The following TENM4 variants were observed in gnomAD, a reference collection of about 807,000 sequenced individuals.
The protein encoded by TENM4 is teneurin transmembrane protein 4, also known as teneurin-4.
A neutral mutation model predicts 243.3 loss-of-function variants in TENM4; 82 were observed. The ratio of observed to expected loss-of-function variants is 0.34; its 90% CI spans 0.28 to 0.40. The LOEUF (loss-of-function observed/expected upper bound fraction) is 0.40. TENM4 is among the 10% of genes least tolerant of loss of function. The pLI, the probability that TENM4 is intolerant of heterozygous loss-of-function variation, is 1.00. For missense variants in TENM4, 3,138 were observed against 3,673.3 expected (o/e 0.85, Z 3.77); for synonymous variants, 1,412 against 1,456.3 (o/e 0.97, Z 0.69).
intron 9 of TENM4, among the ~76,000 whole-genome samples, chr11:78,871,653 G>A (rs1268004718): frequency 6.6e-6 from 1 of 152,192 alleles, no homozygotes; most frequent in Non-Finnish European, 1.5e-5. Context: ...CATGTCCAGA[G>A]CAGGACAGCC....
intron 1 of TENM4, among the ~76,000 whole-genome samples, chr11:79,349,083 G>T (rs1050345700): frequency 6.6e-6 from 1 of 152,074 alleles, no homozygotes; most frequent in Non-Finnish European, 1.5e-5. Context: ...CCAGGGTCCC[G>T]ACTCCTGCTT....
rs756638304 is a variant in TENM4, at chr11:78,670,074, C to G, written c.6271G>C (p.Val2091Leu). 1 of 1,613,922 alleles carries G rather than the reference C, an allele frequency of 6.2e-7. No homozygotes were observed. The highest frequency in any genetic ancestry group is 1.7e-5 in the Admixed American group (1 of 60,006). Residue 2091 changes from valine to leucine, a missense_variant, in exon 32 of 34, where the codon GTG becomes CTG. Around this residue, in one of 2 missense-constraint regions of TENM4, gnomAD observed 2,467 missense variants for 3,059.1 expected, o/e 0.81. Transcript: ENST00000278550. ...TTGATCACAGCCTGCATGCTGGTCA[C>G]CCGGAAGCTGTTGTCATAGTTGTAG... ...FDYNYDNSFR[V>L]TSMQAVINET... is the part of the protein sequence containing the mutation.
chr11:79,084,038 A>G (rs1222171427), intron 4 of TENM4, among the ~76,000 whole-genome samples: 1 of 152,212 alleles, frequency 6.6e-6, no homozygotes, highest in African/African-American at 2.4e-5. Flanking sequence ...AAACAATCCA[A>G]TTAGAAAATG....
rs79610502 is a variant in TENM4 at position 79,401,454 on chromosome 11, A to C, written c.-321+39055T>G. Among the ~76,000 whole-genome samples the C allele has an allele frequency of 6.4e-3, 971 of 152,318 alleles. 8 individuals are homozygous for C. Among genetic ancestry groups the C allele is most frequent in the South Asian group, 0.019 (92 of 4,820 alleles). Reference sequence around the variant, plus strand: ...AACAATAATTCCCAGAAAAGGTGACACTCAAATGGAGACCTGTCAATCATT... The same window carrying C: ...AACAATAATTCCCAGAAAAGGTGACCCTCAAATGGAGACCTGTCAATCATT... On this transcript the variant is annotated intron_variant, in intron 1 of 33. Transcript: ENST00000278550.
chr11:79,287,357 A>G (rs939963105), intron 2 of TENM4, among the ~76,000 whole-genome samples: 1 of 152,176 alleles, frequency 6.6e-6, no homozygotes, highest in Admixed American at 6.5e-5. Context: ...GGTAGAAAGT[A>G]TTGGGTACGG....
intron 28 of TENM4, among the ~76,000 whole-genome samples, chr11:78,692,931 C>T (rs1272903115): frequency 6.6e-6 from 1 of 152,172 alleles, no homozygotes; most frequent in African/African-American, 2.4e-5. Context: ...TAAGTCCCCC[C>T]AACCTTTGTA....
intron 2 of TENM4, among the ~76,000 whole-genome samples, chr11:79,229,238 G>A (rs1031179552): frequency 6.6e-5 from 10 of 152,128 alleles, no homozygotes; most frequent in African/African-American, 2.2e-4. Context: ...GAGCAGCCTT[G>A]GTAGACAGGT....
intron 6 of TENM4, among the ~76,000 whole-genome samples, chr11:79,032,261 C>G (rs887326079): frequency 6.6e-6 from 1 of 152,142 alleles, no homozygotes; most frequent in Non-Finnish European, 1.5e-5. Flanking sequence ...CAGTAATCAC[C>G]CTGAGGCGGG....
chr11:78,954,436 T>C (rs1857167722), intron 6 of TENM4, among the ~76,000 whole-genome samples: 1 of 152,184 alleles, frequency 6.6e-6, no homozygotes, highest in South Asian at 2.1e-4. Flanking sequence ...TAACACCGAG[T>C]CACATGCAGA....
At chr11:79,422,128 T>A (rs951900327) in intron 1 of TENM4, 2 of 154,078 alleles carry the variant, frequency 1.3e-5, no homozygotes, top group African/African-American at 4.8e-5. Flanking sequence ...GAGGCTCATC[T>A]TCTCAACTCT....
At chr11:79,027,804 C>A (rs1451343611) in intron 6 of TENM4, among the ~76,000 whole-genome samples, 1 of 152,156 alleles carries the variant, frequency 6.6e-6, no homozygotes, top group Non-Finnish European at 1.5e-5. Flanking sequence ...AATAGCTAGA[C>A]CTATCTGTTC....
intron 3 of TENM4, among the ~76,000 whole-genome samples, chr11:79,174,216 G>T (rs1440062866): frequency 6.6e-6 from 1 of 151,766 alleles, no homozygotes; most frequent in African/African-American, 2.4e-5. Flanking sequence ...TCTTTGCCCG[G>T]GTGCTTCTAA....
chr11:79,089,545 T>C (rs1325830241), intron 4 of TENM4, among the ~76,000 whole-genome samples: 1 of 152,178 alleles, frequency 6.6e-6, no homozygotes, highest in Non-Finnish European at 1.5e-5. Context: ...CACTTCATGA[T>C]GTACACAGCA....
chr11:79,184,587 G>T (rs1863349614), intron 3 of TENM4, among the ~76,000 whole-genome samples: 1 of 151,946 alleles, frequency 6.6e-6, no homozygotes, highest in African/African-American at 2.4e-5. Context: ...CTAACCCAGG[G>T]GACATTATGC....
intron 6 of TENM4, among the ~76,000 whole-genome samples, chr11:78,916,223 A>C (rs1003993947): frequency 1.3e-5 from 2 of 152,244 alleles, no homozygotes; most frequent in Admixed American, 6.5e-5. Flanking sequence ...CTTCATCTGT[A>C]AAATGGGGAT....
intron 4 of TENM4, among the ~76,000 whole-genome samples, chr11:79,071,529 G>C (rs1860415089): frequency 6.6e-6 from 1 of 152,092 alleles, no homozygotes; most frequent in Non-Finnish European, 1.5e-5. Context: ...GAAATTTGGA[G>C]TTAGATATAA....
intron 1 of TENM4, among the ~76,000 whole-genome samples, chr11:79,353,756 G>GAAA (rs10643530): frequency 1.6e-3 from 225 of 142,868 alleles, no homozygotes; most frequent in African/African-American, 3.2e-3. Flanking sequence ...GAAAAAGGAG[G>GAAA]AAAAAAAAAA....
At chr11:78,900,199 G>A (rs1172477462) in intron 7 of TENM4, among the ~76,000 whole-genome samples, 1 of 152,228 alleles carries the variant, frequency 6.6e-6, no homozygotes, top group African/African-American at 2.4e-5. Flanking sequence ...CTAAATTTTG[G>A]AGTCATTTGT....
intron 6 of TENM4, among the ~76,000 whole-genome samples, chr11:79,001,481 C>CT (rs1858326430): frequency 6.6e-6 from 1 of 151,946 alleles, no homozygotes; most frequent in Non-Finnish European, 1.5e-5. Flanking sequence ...CAGGAGACCC[C>CT]CCCCAAATCC....
Sources: allele counts gnomAD v4.1 joint callset (sites outside exome capture counted in the v4.1 genomes callset), GRCh38; gene constraint gnomAD v4.1.1; regional missense constraint gnomAD v4.1.1; transcripts MANE v1.5; gene names NCBI Gene and HGNC (gene_info 2026-07-23, HGNC 2026-07-21).